The following TMEM117 variants were observed in gnomAD, a reference collection of about 807,000 sequenced individuals.
The protein encoded by TMEM117 is transmembrane protein 117.
A neutral mutation model predicts 52.4 loss-of-function variants in TMEM117; 27 were observed. That is an observed-to-expected ratio of 0.51 (90% CI 0.38 to 0.71). TMEM117 has a LOEUF of 0.71. TMEM117 is among the 30% of genes least tolerant of loss of function. TMEM117 has a pLI of 0.00. For missense variants in TMEM117, 556 were observed against 630.5 expected (o/e 0.88, Z 1.26); for synonymous variants, 215 against 206.3 (o/e 1.04, Z -0.36).
intron 5 of TMEM117, among the ~76,000 whole-genome samples, chr12:44,217,216 G>A (rs1443473318): frequency 6.6e-6 from 1 of 152,104 alleles, no homozygotes. Context: ...GTAGTTTGAC[G>A]TCCTCTACAG....
chr12:44,237,679 C>T (rs73102953), intron 5 of TMEM117, among the ~76,000 whole-genome samples: 11,142 of 151,746 alleles, frequency 0.073, 581 homozygotes, highest in Middle Eastern at 0.16. Flanking sequence ...ATCCCACCAC[C>T]GCACTCCCGC....
intron 3 of TMEM117, among the ~76,000 whole-genome samples, chr12:44,122,091 G>A (rs1319253827): frequency 6.7e-6 from 1 of 150,214 alleles, no homozygotes; most frequent in Non-Finnish European, 1.5e-5. Flanking sequence ...TGTTGCCCAG[G>A]CTGAGTGCAG....
intron 7 of TMEM117, among the ~76,000 whole-genome samples, chr12:44,383,939 C>G (rs144506885): frequency 6.6e-6 from 1 of 152,208 alleles, no homozygotes; most frequent in East Asian, 1.9e-4. Flanking sequence ...GCATAAAACA[C>G]TAAGATTTAG....
At chr12:44,185,452 A>G (rs563791391) in intron 4 of TMEM117, among the ~76,000 whole-genome samples, 1 of 152,320 alleles carries the variant, frequency 6.6e-6, no homozygotes, top group African/African-American at 2.4e-5. Context: ...CATATCTTCT[A>G]AGAAGAGCTA....
intron 3 of TMEM117, among the ~76,000 whole-genome samples, chr12:44,002,119 CA>C (rs1946125840): frequency 1.3e-5 from 2 of 152,140 alleles, no homozygotes; most frequent in Non-Finnish European, 2.9e-5. Context: ...GGAACAACAA[CA>C]AAAAGCCCAG....
intron 4 of TMEM117, among the ~76,000 whole-genome samples, chr12:44,197,210 G>C (rs1336868553): frequency 6.6e-6 from 1 of 152,046 alleles, no homozygotes; most frequent in Non-Finnish European, 1.5e-5. Flanking sequence ...TTGCTTTTTT[G>C]TGTGTTCCAA....
At position 44,247,116 on chromosome 12, in the gene TMEM117, G is replaced by A. The variant is rs999162713; in HGVS notation, c.608+35729G>A. The stretch of plus-strand genomic sequence containing the variant: ...TCAGCCCATTTAATAGAAAGTATTG[G>A]CATAGGCAAAACTCCTATTTCTGCT... On this transcript the variant is annotated intron_variant, in intron 5 of 7. Transcript: ENST00000266534. Among the ~76,000 whole-genome samples the A allele has an allele frequency of 4.6e-5, 7 of 152,166 alleles. No individual in the cohort carries two copies. The East Asian group carries it at 1.3e-3, about 29-fold the overall frequency.
At chr12:44,136,334 G>C (rs74638081) in intron 3 of TMEM117, among the ~76,000 whole-genome samples, 2 of 152,062 alleles carry the variant, frequency 1.3e-5, no homozygotes, top group Non-Finnish European at 2.9e-5. Context: ...GAACTATTCA[G>C]AGCATCAAAT....
intron 5 of TMEM117, among the ~76,000 whole-genome samples, chr12:44,251,526 G>C (rs1395042125): frequency 6.6e-6 from 1 of 152,182 alleles, no homozygotes; most frequent in Non-Finnish European, 1.5e-5. Context: ...ATGAGGCCAA[G>C]TGTAGTATGA....
chr12:43,982,202 T>G (rs553999100), intron 3 of TMEM117, among the ~76,000 whole-genome samples: 1 of 152,350 alleles, frequency 6.6e-6, no homozygotes, highest in African/African-American at 2.4e-5. Context: ...GAGTTCATTC[T>G]TTTAAGGTGA....
intron 3 of TMEM117, among the ~76,000 whole-genome samples, chr12:44,049,728 C>T (rs1045774989): frequency 2.0e-5 from 3 of 152,012 alleles, no homozygotes; most frequent in African/African-American, 7.3e-5. Context: ...AGTCTATAAA[C>T]TATTTTTATC....
intron 2 of TMEM117, among the ~76,000 whole-genome samples, chr12:43,874,666 T>C (rs1382223795): frequency 6.6e-6 from 1 of 152,160 alleles, no homozygotes; most frequent in Non-Finnish European, 1.5e-5. Context: ...CCCAACCATT[T>C]TGTTAGTCTA....
intron 5 of TMEM117, among the ~76,000 whole-genome samples, chr12:44,257,132 A>G (rs957182930): frequency 1.1e-4 from 16 of 150,738 alleles, no homozygotes; most frequent in African/African-American, 3.9e-4. Flanking sequence ...GTCATTGGAG[A>G]ACACATCACT....
chr12:44,084,555 G>A (rs1257609251), intron 3 of TMEM117, among the ~76,000 whole-genome samples: 1 of 152,132 alleles, frequency 6.6e-6, no homozygotes, highest in Non-Finnish European at 1.5e-5. Context: ...AGCTTTCCCT[G>A]TTGTGTCTTT....
chr12:43,980,572 C>T (rs1460807811), intron 3 of TMEM117, among the ~76,000 whole-genome samples: 1 of 152,176 alleles, frequency 6.6e-6, no homozygotes, highest in Non-Finnish European at 1.5e-5. Flanking sequence ...GAATAATTCC[C>T]TTAAACTTGG....
At chr12:44,120,482 A>T (rs1438408301) in intron 3 of TMEM117, among the ~76,000 whole-genome samples, 1 of 152,194 alleles carries the variant, frequency 6.6e-6, no homozygotes, top group Non-Finnish European at 1.5e-5. Flanking sequence ...CTCTTCTAGC[A>T]TGCCCTTGCT....
intron 3 of TMEM117, among the ~76,000 whole-genome samples, chr12:43,964,100 G>T (rs1395282787): frequency 6.6e-6 from 1 of 152,072 alleles, no homozygotes; most frequent in African/African-American, 2.4e-5. Context: ...TCAGCTGGAG[G>T]GCTCTACTGC....
At chr12:44,244,628 A>G (rs563645494) in intron 5 of TMEM117, among the ~76,000 whole-genome samples, 1 of 151,900 alleles carries the variant, frequency 6.6e-6, no homozygotes, top group African/African-American at 2.4e-5. Flanking sequence ...GATTTCAAAT[A>G]TATTCTTCCA....
intron 4 of TMEM117, among the ~76,000 whole-genome samples, chr12:44,208,906 AT>A (rs919273851): frequency 6.6e-6 from 1 of 152,056 alleles, no homozygotes; most frequent in African/African-American, 2.4e-5. Flanking sequence ...AACATTGAAA[AT>A]TGAATAAAAC....
Sources: gnomAD v4.1 joint callset for allele counts (sites outside exome capture counted in the v4.1 genomes callset) on GRCh38, gnomAD v4.1.1 for gene constraint, MANE v1.5 for transcripts, NCBI Gene and HGNC (gene_info 2026-07-23, HGNC 2026-07-21) for gene names.